Variants in PCDHGB1 observed in about 807,000 individuals in gnomAD.
PCDHGB1 encodes the protein protocadherin gamma-B1.
PCDHGB1 carries 34 observed loss-of-function variants against 56.6 expected under a neutral mutation model. The ratio of observed to expected loss-of-function variants is 0.60; its 90% CI spans 0.46 to 0.80. PCDHGB1 has a LOEUF of 0.80. Ranked by LOEUF, PCDHGB1 falls within the 30% of genes least tolerant of loss-of-function variation. The pLI, the probability that PCDHGB1 is intolerant of heterozygous loss-of-function variation, is 0.00. For synonymous variants in PCDHGB1, 561 were observed against 505.9 expected (o/e 1.11, Z -1.46); for missense variants, 1,278 against 1,204.6 (o/e 1.06, Z -0.90).
Position 141,370,495 on chromosome 5 carries a change from G to A in PCDHGB1, c.2409+17826G>A, listed in dbSNP as rs1766967329. The stretch of plus-strand genomic sequence containing the variant: ...GACCAGGCTCTCTCCGAACCGATCC[G>A]CTACGCTATTCCCGAGGAGCTGGAC... On this transcript the variant is annotated intron_variant, in intron 1 of 3. Transcript: ENST00000523390. The A allele has an allele frequency of 3.1e-6, 5 of 1,613,782 alleles. No individual in the cohort carries two copies. Among genetic ancestry groups the A allele is most frequent in the African/African-American group, 1.3e-5 (1 of 74,914 alleles).
intron 2 of PCDHGB1, among the ~76,000 whole-genome samples, chr5:141,503,595 G>A (rs6892628): frequency 7.1e-6 from 1 of 140,086 alleles, no homozygotes. Context: ...CGAGACTCCA[G>A]CTCAAAAAAA....
At chr5:141,438,248 C>A (rs1370527448) in intron 1 of PCDHGB1, among the ~76,000 whole-genome samples, 1 of 151,970 alleles carries the variant, frequency 6.6e-6, no homozygotes, top group Non-Finnish European at 1.5e-5. Flanking sequence ...AAAAAACTGT[C>A]ATTGAAGAGA....
At chr5:141,365,764 CCCCG>C (rs1764103284) in intron 1 of PCDHGB1, 3 of 1,613,772 alleles carry the variant, frequency 1.9e-6, no homozygotes, top group Middle Eastern at 3.3e-4. Context: ...CAGCCCATGA[CCCCG>C]ACAGCGGCGA....
intron 1 of PCDHGB1, chr5:141,403,468 C>G: frequency 6.2e-7 from 1 of 1,614,054 alleles, no homozygotes; most frequent in Non-Finnish European, 8.5e-7. Flanking sequence ...GCTACCAGCT[C>G]AGCCCCAATC....
At chr5:141,359,934 C>A (rs1014353830) in intron 1 of PCDHGB1, 1 of 464,554 alleles carries the variant, frequency 2.2e-6, no homozygotes, top group East Asian at 3.3e-5. Flanking sequence ...AACCTCTGAG[C>A]GTCGCTGTTG....
chr5:141,462,646 A>G (rs1371582710), intron 1 of PCDHGB1, among the ~76,000 whole-genome samples: 1 of 137,316 alleles, frequency 7.3e-6, no homozygotes, highest in Non-Finnish European at 1.5e-5. Flanking sequence ...TTTCATTTCC[A>G]TCCTCAATTA....
At chr5:141,456,020 C>A (rs2098840631) in intron 1 of PCDHGB1, among the ~76,000 whole-genome samples, 2 of 151,952 alleles carry the variant, frequency 1.3e-5, no homozygotes, top group South Asian at 4.2e-4. Flanking sequence ...GCCTCAGCCT[C>A]CCGAGTAGCT....
intron 1 of PCDHGB1, chr5:141,415,938 C>T (rs1351429284): frequency 3.4e-6 from 2 of 588,200 alleles, no homozygotes; most frequent in East Asian, 4.2e-5. Context: ...ATATTTCCTC[C>T]TGGGTGGTCA....
intron 2 of PCDHGB1, among the ~76,000 whole-genome samples, chr5:141,504,579 G>T (rs994771989): frequency 2.0e-5 from 3 of 149,174 alleles, no homozygotes; most frequent in Non-Finnish European, 4.4e-5. Context: ...AACACCATCT[G>T]CCCAGGATTC....
chr5:141,462,011 C>T (rs567038580), intron 1 of PCDHGB1, among the ~76,000 whole-genome samples: 32 of 152,182 alleles, frequency 2.1e-4, no homozygotes, highest in Admixed American at 5.9e-4. Flanking sequence ...TTAATAGAGA[C>T]GGGGTTTCTT....
intron 1 of PCDHGB1, chr5:141,421,617 C>A (rs781622911): frequency 6.2e-7 from 1 of 1,613,768 alleles, no homozygotes; most frequent in South Asian, 1.1e-5. Flanking sequence ...TTAATGATAA[C>A]GCCCCCAGCT....
chr5:141,440,818 C>T (rs906112291), intron 1 of PCDHGB1: 2 of 152,124 alleles, frequency 1.3e-5, no homozygotes, highest in Non-Finnish European at 2.9e-5. Flanking sequence ...TCACTCAACT[C>T]CTGATCCTAT....
chr5:141,353,597 C>T (rs570615656), intron 1 of PCDHGB1, among the ~76,000 whole-genome samples: 6 of 152,284 alleles, frequency 3.9e-5, no homozygotes, highest in South Asian at 2.1e-4. Context: ...TCATAATTTT[C>T]TTAACCATTC....
chr5:141,356,910 T>A lies in PCDHGB1; in HGVS notation c.2409+4241T>A, dbSNP rs187434280. On this transcript the variant is annotated intron_variant, in intron 1 of 3. Coordinates refer to ENST00000523390, the MANE Select transcript of PCDHGB1 (RefSeq NM_018922.3). ...TCCTGTACCCCACCTTCCCTACTGA[T>A]GGCTCCACTGGTGTGGAGCTGGCAC... The A allele has an allele frequency of 3.6e-5, 58 of 1,614,140 alleles. No homozygotes were observed. The African/African-American group carries it at 7.2e-4, about 20-fold the overall frequency.
At chr5:141,371,024 G>C (rs1588679786) in intron 1 of PCDHGB1, 1 of 1,613,886 alleles carries the variant, frequency 6.2e-7, no homozygotes, top group African/African-American at 1.3e-5. Context: ...ATCACCACCT[G>C]GTCCTCACAG....
At chr5:141,384,090 A>T in intron 1 of PCDHGB1, 3 of 1,596,410 alleles carry the variant, frequency 1.9e-6, no homozygotes, top group Non-Finnish European at 2.6e-6. Flanking sequence ...TAGAAAAATC[A>T]ATAGATAATT....
chr5:141,370,376 C>T, intron 1 of PCDHGB1: 1 of 1,527,960 alleles, frequency 6.5e-7, no homozygotes, highest in Non-Finnish European at 8.8e-7. Flanking sequence ...TTTAGAAAGG[C>T]AAAGGCGCAG....
Position 141,351,684 on chromosome 5 carries a change from C to A in PCDHGB1, c.1424C>A (p.Pro475Gln). 1 of 1,613,988 alleles carries A rather than the reference C, an allele frequency of 6.2e-7. No individual in the cohort carries two copies. The highest frequency in any genetic ancestry group is 1.3e-5 in the African/African-American group (1 of 75,070). The change falls in exon 1 of 4, where the codon CCG becomes CAG. Residue 475 changes from proline (P) to glutamine (Q), a missense_variant. Pro to Gln is a moderately conservative substitution (Grantham distance 76). Transcript: ENST00000523390. The stretch of plus-strand genomic sequence containing the variant: ...ATTGCACAAGTAAGCGCCTCCGACC[C>A]GGATTTGGGACCCAACGGCAGAGTC... ...ASIAQVSASD[P>Q]DLGPNGRVSY...
chr5:141,410,517 C>A, intron 1 of PCDHGB1: 1 of 1,613,926 alleles, frequency 6.2e-7, no homozygotes, highest in Non-Finnish European at 8.5e-7. Context: ...TGCAGTGTGC[C>A]CCTACATTCC....
Sources: allele counts gnomAD v4.1 joint callset (sites outside exome capture counted in the v4.1 genomes callset), GRCh38; gene constraint gnomAD v4.1.1; transcripts MANE v1.5; gene names NCBI Gene and HGNC (gene_info 2026-07-23, HGNC 2026-07-21).